The following ZC3H7A variants were observed in gnomAD, a reference collection of about 807,000 sequenced individuals.
The protein encoded by ZC3H7A is zinc finger CCCH domain-containing protein 7A.
A neutral mutation model predicts 125.5 loss-of-function variants in ZC3H7A; 44 were observed. The observed-to-expected ratio is 0.35, with a 90% CI of 0.28 to 0.45. ZC3H7A has a LOEUF of 0.45. ZC3H7A is among the 20% of genes least tolerant of loss of function. The probability of loss-of-function intolerance (pLI) is 1.00; values close to 1 mark genes in which losing one functional copy is unlikely to be tolerated. For synonymous variants in ZC3H7A, 399 were observed against 391.2 expected (o/e 1.02, Z -0.23); for missense variants, 977 against 1,170.7 (o/e 0.83, Z 2.41).
intron 1 of ZC3H7A, among the ~76,000 whole-genome samples, chr16:11,795,530 G>A (rs2053423078): frequency 6.6e-6 from 1 of 152,146 alleles, no homozygotes; most frequent in Non-Finnish European, 1.5e-5. Context: ...TCTGCCTCCC[G>A]GTTCAAACGA....
At chr16:11,771,167 T>G (rs1215601984) in intron 9 of ZC3H7A, among the ~76,000 whole-genome samples, 180 bp from the exon 10 acceptor site, 1 of 152,082 alleles carries the variant, frequency 6.6e-6, no homozygotes, top group Non-Finnish European at 1.5e-5. Context: ...GCAGGCGGAC[T>G]GCCTGAGCTC....
intron 1 of ZC3H7A, among the ~76,000 whole-genome samples, chr16:11,795,441 T>C (rs1026076857): frequency 2.3e-4 from 35 of 152,368 alleles, no homozygotes; most frequent in African/African-American, 7.9e-4. Flanking sequence ...TGTATGTATG[T>C]ACGCATGTAT....
intron 8 of ZC3H7A, 81 bp from the exon 9 acceptor site, chr16:11,774,600 C>T: frequency 7.2e-7 from 1 of 1,391,938 alleles, no homozygotes; most frequent in Non-Finnish European, 9.6e-7. Context: ...AATAGAGATA[C>T]AAAGATGAAA....
chr16:11,765,783 G>A lies in ZC3H7A; in HGVS notation c.1523-98C>T, dbSNP rs115949552. On this transcript the variant is annotated intron_variant, in intron 13 of 22. Coordinates refer to ENST00000355758, the MANE Select transcript of ZC3H7A (RefSeq NM_014153.4). The surrounding 1 kb of genome is among the most constrained non-coding windows in gnomAD (Gnocchi z 4.8). Reference sequence around the variant, plus strand: ...GAGGTGGGAGGATCCCTTGAGCCCAGGAGTTCAAGGCTGCGGTGAGCAATG... The same window carrying A: ...GAGGTGGGAGGATCCCTTGAGCCCAAGAGTTCAAGGCTGCGGTGAGCAATG... 9.9e-5 allele frequency: 119 copies of A among 1,202,548 alleles called. No homozygotes were observed. In the African/African-American group the frequency reaches 1.7e-3, roughly 17 times the overall value. The allele number at this position is 1,202,548 out of a possible 1,614,324, so 74.5% of individuals were successfully genotyped here. A position where few individuals can be genotyped will look rare whatever the true frequency, so the allele number is the denominator to read the frequency against.
Position 11,765,744 on chromosome 16 carries a change from C to G in ZC3H7A, c.1523-59G>C. 6.6e-7 allele frequency: 1 copy of G among 1,523,980 alleles called. No individual in the cohort carries two copies. Among genetic ancestry groups the G allele is most frequent in the Non-Finnish European group, 8.9e-7 (1 of 1,123,800 alleles). The allele number at this position is 1,523,980 out of a possible 1,614,324, so 94.4% of individuals were successfully genotyped here. A position where few individuals can be genotyped will look rare whatever the true frequency, so the allele number is the denominator to read the frequency against. Reference sequence around the variant, plus strand: ...CATGGCAATTGGCCTGTACTCCCAGCTACTTGGGAGGCTGAGGTGGGAGGA... The same window carrying G: ...CATGGCAATTGGCCTGTACTCCCAGGTACTTGGGAGGCTGAGGTGGGAGGA... On this transcript the variant is annotated intron_variant, in intron 13 of 22. Coordinates refer to ENST00000355758, the MANE Select transcript of ZC3H7A (RefSeq NM_014153.4). The surrounding 1 kb of genome is among the most constrained non-coding windows in gnomAD (Gnocchi z 4.8).
At chr16:11,787,566 A>C (rs958899013) in intron 1 of ZC3H7A, among the ~76,000 whole-genome samples, 1 of 152,056 alleles carries the variant, frequency 6.6e-6, no homozygotes, top group Non-Finnish European at 1.5e-5. Context: ...GTCTCAAGCG[A>C]TCCTCCCTCA....
intron 1 of ZC3H7A, among the ~76,000 whole-genome samples, chr16:11,789,139 T>C (rs903952838): frequency 2.6e-5 from 4 of 152,234 alleles, no homozygotes; most frequent in Non-Finnish European, 5.9e-5. Flanking sequence ...TACAGTTATA[T>C]GTCACCATTG....
At chr16:11,766,840 G>C (rs769097352) in intron 13 of ZC3H7A, among the ~76,000 whole-genome samples, 17 of 152,094 alleles carry the variant, frequency 1.1e-4, no homozygotes, top group Admixed American at 3.9e-4. Flanking sequence ...CCGAGATTGC[G>C]CCACTACACT....
intron 2 of ZC3H7A, 73 bp from the exon 3 acceptor site, chr16:11,781,537 A>T: frequency 5.9e-6 from 9 of 1,518,552 alleles, no homozygotes; most frequent in Admixed American, 1.7e-5. Flanking sequence ...AAGTCATCTT[A>T]AATCTGTGGT....
Position 11,774,482 on chromosome 16 carries a change from G to A in ZC3H7A, c.657C>T (p.Val219=). Residue 219 remains valine, a synonymous_variant, in exon 9 of 23, where the codon GTC becomes GTT. Transcript: ENST00000355758. Reference sequence around the variant, plus strand: ...GAGAAAAACTGGGTGCCGGTAAAGAGACAACAGGAACTGCTTCTTGCCTTG... The same window carrying A: ...GAGAAAAACTGGGTGCCGGTAAAGAAACAACAGGAACTGCTTCTTGCCTTG... ...LTPRQEAVPV[V]SLPAPSFSHE... 6.3e-7 allele frequency: 1 copy of A among 1,577,090 alleles called. No homozygotes were observed. The highest frequency in any genetic ancestry group is 2.3e-5 in the East Asian group (1 of 44,112).
At chr16:11,762,983 A>G (rs1225380898) in intron 16 of ZC3H7A, 2 of 446,044 alleles carry the variant, frequency 4.5e-6, no homozygotes, top group African/African-American at 4.0e-5. Flanking sequence ...AACTTGTATC[A>G]GTAATTAATG....
At chr16:11,784,140 T>C (rs1415805468) in intron 1 of ZC3H7A, among the ~76,000 whole-genome samples, 3 of 152,038 alleles carry the variant, frequency 2.0e-5, no homozygotes, top group African/African-American at 7.3e-5. Context: ...TAGAGTAAAA[T>C]GGCACTATTT....
chr16:11,787,603 A>G (rs541351676), intron 1 of ZC3H7A, among the ~76,000 whole-genome samples: 65 of 152,232 alleles, frequency 4.3e-4, no homozygotes, highest in African/African-American at 1.3e-3. Context: ...CTGAGACTAC[A>G]AGTGTGCCAC....
At chr16:11,774,108 CT>C in intron 9 of ZC3H7A, 127 bp downstream of exon 9, 1 of 902,316 alleles carries the variant, frequency 1.1e-6, no homozygotes, top group Non-Finnish European at 1.5e-6. Context: ...AAAAAAGTAA[CT>C]TTCAAGGTTA....
intron 18 of ZC3H7A, 69 bp downstream of exon 18, chr16:11,761,841 T>C: frequency 1.3e-6 from 2 of 1,578,384 alleles, no homozygotes; most frequent in Non-Finnish European, 8.6e-7. Context: ...TTTTTGCTTA[T>C]GTGTATAATT....
intron 1 of ZC3H7A, among the ~76,000 whole-genome samples, chr16:11,791,742 C>A (rs1205520017): frequency 6.6e-6 from 1 of 152,196 alleles, no homozygotes; most frequent in East Asian, 1.9e-4. Flanking sequence ...TGGCCCCCAA[C>A]CCTTTGGGGA....
chr16:11,764,662 C>T (rs1158146683), intron 15 of ZC3H7A, among the ~76,000 whole-genome samples: 1 of 152,126 alleles, frequency 6.6e-6, no homozygotes, highest in Non-Finnish European at 1.5e-5. Context: ...GCAGAACTTG[C>T]AGTGAGCCAA....
chr16:11,767,575 G>A lies in ZC3H7A; in HGVS notation c.1364C>T (p.Pro455Leu). 1 of 1,561,038 alleles carries A rather than the reference G, an allele frequency of 6.4e-7. No homozygotes were observed. The highest frequency in any genetic ancestry group is 8.6e-7 in the Non-Finnish European group (1 of 1,156,972). Residue 455 changes from proline (P) to leucine (L), a missense_variant, in exon 13 of 23, where the codon CCT becomes CTT. Around this residue, in one of 3 missense-constraint regions of ZC3H7A, gnomAD observed 342 missense variants for 311.3 expected, o/e 1.10. Transcript: ENST00000355758. ...ACQICFVKSG[P>L]KLMDFTYHAN... The stretch of plus-strand genomic sequence containing the variant: ...ATGGTAAGTGAAATCCATTAACTTA[G>A]GGCCTGAAAAAGATGTAAAGAGGAT...
chr16:11,778,287 A>C (rs2053115958), intron 4 of ZC3H7A, among the ~76,000 whole-genome samples: 1 of 151,902 alleles, frequency 6.6e-6, no homozygotes, highest in Non-Finnish European at 1.5e-5. Context: ...AATACAAAAA[A>C]TTTGCTGGGC....
Sources: allele counts gnomAD v4.1 joint callset (sites outside exome capture counted in the v4.1 genomes callset), GRCh38; gene constraint gnomAD v4.1.1; regional missense constraint gnomAD v4.1.1; non-coding constraint Gnocchi (gnomAD v3.1); transcripts MANE v1.5; gene names NCBI Gene and HGNC (gene_info 2026-07-23, HGNC 2026-07-21).